The following FOXN3 variants were observed in gnomAD, a reference collection of about 807,000 sequenced individuals.
FOXN3 encodes the protein forkhead box protein N3.
A neutral mutation model predicts 38.4 loss-of-function variants in FOXN3; 7 were observed. That is an observed-to-expected ratio of 0.18 (90% confidence interval 0.10 to 0.34). The LOEUF is 0.34. FOXN3 is among the 10% of genes least tolerant of loss of function. FOXN3 has a pLI of 1.00. For missense variants in FOXN3, 456 were observed against 613.4 expected (o/e 0.74, Z 2.71); for synonymous variants, 230 against 242.2 (o/e 0.95, Z 0.47).
chr14:89,455,689 G>C (rs1401266290), intron 1 of FOXN3, among the ~76,000 whole-genome samples: 1 of 152,156 alleles, frequency 6.6e-6, no homozygotes, highest in Non-Finnish European at 1.5e-5. Flanking sequence ...GGGTGTGGAA[G>C]GAAAGCAAGG....
intron 2 of FOXN3, among the ~76,000 whole-genome samples, chr14:89,379,265 C>T (rs1185827956): frequency 2.0e-5 from 3 of 152,160 alleles, no homozygotes; most frequent in Non-Finnish European, 4.4e-5. Context: ...GTGCTGAAAC[C>T]CATGGCTTCA....
chr14:89,227,859 C>T (rs1884689501), intron 4 of FOXN3, among the ~76,000 whole-genome samples: 1 of 152,166 alleles, frequency 6.6e-6, no homozygotes, highest in Admixed American at 6.5e-5. Context: ...CAAGGGACCT[C>T]GGTCCTAACA....
chr14:89,201,381 T>C lies in FOXN3; in HGVS notation c.746-20575A>G, dbSNP rs1888230294. Among the ~76,000 whole-genome samples, 3 of 152,280 alleles carry C rather than the reference T, an allele frequency of 2.0e-5. No homozygotes were observed. In the South Asian group the frequency reaches 6.2e-4, roughly 32 times the overall value. ...CTCTAGAGTCTGGCATTCTTTGCTTTGAAAATGTCCTGCTTGCTCCTGGTT... is the reference window on the plus strand; with the variant it reads ...CTCTAGAGTCTGGCATTCTTTGCTTCGAAAATGTCCTGCTTGCTCCTGGTT... On this transcript the variant is annotated intron_variant, in intron 4 of 5. Coordinates refer to ENST00000557258, the MANE Select transcript of FOXN3 (RefSeq NM_005197.4).
intron 3 of FOXN3, among the ~76,000 whole-genome samples, chr14:89,328,057 T>TC (rs775915377): frequency 3.3e-5 from 5 of 152,202 alleles, no homozygotes; most frequent in Non-Finnish European, 5.9e-5. Flanking sequence ...TTTCAGTACT[T>TC]CAATACTTGG....
chr14:89,495,917 G>A (rs1036947032), intron 1 of FOXN3, among the ~76,000 whole-genome samples: 18 of 152,144 alleles, frequency 1.2e-4, no homozygotes, highest in South Asian at 2.1e-4. Flanking sequence ...TATAGGGGCC[G>A]TGCTGCTCCT....
At chr14:89,215,522 C>T (rs974984994) in intron 4 of FOXN3, among the ~76,000 whole-genome samples, 2 of 151,936 alleles carry the variant, frequency 1.3e-5, no homozygotes, top group African/African-American at 2.4e-5. Flanking sequence ...AATTTTATAC[C>T]CCTGAGGCAA....
At chr14:89,206,760 G>A (rs1888396920) in intron 4 of FOXN3, among the ~76,000 whole-genome samples, 1 of 152,192 alleles carries the variant, frequency 6.6e-6, no homozygotes, top group Non-Finnish European at 1.5e-5. Flanking sequence ...CACCGTAACT[G>A]CCATCATGCC....
chr14:89,201,423 C>T (rs1248794555), intron 4 of FOXN3, among the ~76,000 whole-genome samples: 1 of 152,234 alleles, frequency 6.6e-6, no homozygotes, highest in African/African-American at 2.4e-5. Flanking sequence ...TCCAGTGTTA[C>T]AGCTGAAGCT....
At chr14:89,316,484 T>G (rs1887721616) in intron 3 of FOXN3, among the ~76,000 whole-genome samples, 1 of 151,482 alleles carries the variant, frequency 6.6e-6, no homozygotes, top group South Asian at 2.1e-4. Flanking sequence ...GTCTCCTGAA[T>G]AGTTAGGACT....
chr14:89,602,439 A>AT (rs940739354), intron 1 of FOXN3, among the ~76,000 whole-genome samples: 3 of 152,084 alleles, frequency 2.0e-5, no homozygotes, highest in Non-Finnish European at 4.4e-5. Context: ...CAGAGGCTTA[A>AT]TTTTTTTAAA....
intron 3 of FOXN3, among the ~76,000 whole-genome samples, chr14:89,297,476 C>T (rs1024150023): frequency 1.1e-4 from 17 of 150,568 alleles, no homozygotes; most frequent in African/African-American, 3.9e-4. Context: ...GAGAGAATGG[C>T]GTGAAACTGG....
chr14:89,218,836 A>T (rs1884366008), intron 4 of FOXN3, among the ~76,000 whole-genome samples: 1 of 152,214 alleles, frequency 6.6e-6, no homozygotes. Flanking sequence ...AACAGTCACC[A>T]TTATGACCCT....
chr14:89,514,251 G>A (rs1028016792), intron 1 of FOXN3, among the ~76,000 whole-genome samples: 1 of 152,192 alleles, frequency 6.6e-6, no homozygotes, highest in African/African-American at 2.4e-5. Flanking sequence ...CAGAACAATG[G>A]AACAATCTTC....
At chr14:89,600,379 C>T (rs1896132627) in intron 1 of FOXN3, among the ~76,000 whole-genome samples, 1 of 152,142 alleles carries the variant, frequency 6.6e-6, no homozygotes, top group Admixed American at 6.5e-5. Context: ...CTCATTTCAA[C>T]ACCACATTTC....
intron 1 of FOXN3, among the ~76,000 whole-genome samples, chr14:89,568,957 C>A (rs979112744): frequency 1.3e-5 from 2 of 152,244 alleles, no homozygotes; most frequent in East Asian, 1.9e-4. Flanking sequence ...GTAATCCCAG[C>A]ACTTTGGGAG....
At chr14:89,327,551 C>T (rs980357454) in intron 3 of FOXN3, among the ~76,000 whole-genome samples, 5 of 152,152 alleles carry the variant, frequency 3.3e-5, no homozygotes, top group Admixed American at 3.3e-4. Context: ...CCTCTACCCG[C>T]CAAAAGCCCT....
At chr14:89,551,727 G>A (rs1227888528) in intron 1 of FOXN3, among the ~76,000 whole-genome samples, 2 of 152,112 alleles carry the variant, frequency 1.3e-5, no homozygotes, top group Non-Finnish European at 2.9e-5. Flanking sequence ...TATGTAGCAG[G>A]TACTCATGAC....
At chr14:89,510,499 CTG>C (rs1317494369) in intron 1 of FOXN3, among the ~76,000 whole-genome samples, 2 of 152,192 alleles carry the variant, frequency 1.3e-5, no homozygotes, top group Non-Finnish European at 2.9e-5. Context: ...TCTAACCTGA[CTG>C]TGCATCTCCC....
chr14:89,180,138 G>A (rs1887628173), intron 5 of FOXN3, among the ~76,000 whole-genome samples: 1 of 152,236 alleles, frequency 6.6e-6, no homozygotes, highest in African/African-American at 2.4e-5. Context: ...TGGAGAGCAT[G>A]GAGGAGAGAA....
Sources: gnomAD v4.1 joint callset for allele counts (sites outside exome capture counted in the v4.1 genomes callset) on GRCh38, gnomAD v4.1.1 for gene constraint, MANE v1.5 for transcripts, NCBI Gene and HGNC (gene_info 2026-07-23, HGNC 2026-07-21) for gene names.